POLD3: variants seen among roughly 807,000 people sequenced by gnomAD.
POLD3 encodes the protein DNA polymerase delta 3, accessory subunit.
POLD3 carries 19 observed loss-of-function variants against 58.2 expected under a neutral mutation model. The observed-to-expected ratio is 0.33, with a 90% CI of 0.23 to 0.48. The LOEUF (loss-of-function observed/expected upper bound fraction) is 0.48. Among genes scored for constraint, POLD3 ranks in the 20% least tolerant of loss-of-function variants. The pLI, the probability that POLD3 is intolerant of heterozygous loss-of-function variation, is 0.99. For missense variants in POLD3, 504 were observed against 545.5 expected (o/e 0.92, Z 0.76); for synonymous variants, 172 against 193.5 (o/e 0.89, Z 0.92).
At chr11:74,597,956 C>T (rs1167568787) in intron 2 of POLD3, among the ~76,000 whole-genome samples, 3 of 152,040 alleles carry the variant, frequency 2.0e-5, no homozygotes, top group East Asian at 3.9e-4. Context: ...TGGCATGCAC[C>T]TGCAGTCTTA....
At chr11:74,612,729 G>C (rs1239405885) in intron 4 of POLD3, 149 bp from the exon 5 acceptor site, 4 of 587,306 alleles carry the variant, frequency 6.8e-6, no homozygotes. Flanking sequence ...AAGAGTTGAT[G>C]TTTCACTGTA....
Position 74,618,590 on chromosome 11 carries a change from C to T in POLD3, c.446C>T (p.Ser149Phe). 1 of 1,613,748 alleles carries T rather than the reference C, an allele frequency of 6.2e-7. No individual in the cohort carries two copies. The highest frequency in any genetic ancestry group is 1.1e-5 in the South Asian group (1 of 91,072). The change falls in exon 6 of 12, where the codon TCT (serine) becomes TTT (phenylalanine). Residue 149 changes from serine to phenylalanine, a missense_variant. Ser to Phe is a radical substitution (Grantham distance 155). Coordinates refer to ENST00000263681, the MANE Select transcript of POLD3 (RefSeq NM_006591.3). ...GTCCCTAGAGCTCCTGCTGAATCCT[C>T]TTCGTCTTCCAAAAAGTTTGAGCAG... The part of the protein sequence containing the change: ...AAVPRAPAES[S>F]SSSKKFEQSH...
At position 74,654,394 on chromosome 11, in the gene POLD3, C is replaced by T. The variant is rs116520077; in HGVS notation, c.370-14383C>T. 7.0e-3 allele frequency among the ~76,000 whole-genome samples: 1,065 copies of T among 151,732 alleles called. 11 individuals carry two copies. Among genetic ancestry groups the T allele is most frequent in the African/African-American group, 0.024 (1,002 of 41,452 alleles). ...ATCAAGAAGATATAATACTCGTAAACGTGCACACAATAACATTAAATAAAA... is the reference window on the plus strand; with the variant it reads ...ATCAAGAAGATATAATACTCGTAAATGTGCACACAATAACATTAAATAAAA... On this transcript the variant is annotated intron_variant, in intron 4 of 4. Transcript: ENST00000524752.
intron 1 of POLD3, among the ~76,000 whole-genome samples, chr11:74,593,529 T>G (rs924693175): frequency 6.6e-6 from 1 of 152,234 alleles, no homozygotes; most frequent in Non-Finnish European, 1.5e-5. Flanking sequence ...GCAGGCATCC[T>G]GGGTCTAGGA....
downstream of POLD3, among the ~76,000 whole-genome samples, chr11:74,645,076 T>C (rs1306165957): frequency 1.3e-5 from 2 of 152,218 alleles, no homozygotes; most frequent in Non-Finnish European, 2.9e-5. Flanking sequence ...CTAAATAGCA[T>C]TTAGCATTTG....
chr11:74,616,377 G>A (rs1262298855), intron 5 of POLD3, among the ~76,000 whole-genome samples: 3 of 152,228 alleles, frequency 2.0e-5, no homozygotes, highest in Admixed American at 2.0e-4. Flanking sequence ...GACATGAAGA[G>A]AGTTGAAATT....
chr11:74,636,979 A>T (rs2032767503), intron 11 of POLD3, among the ~76,000 whole-genome samples: 1 of 152,194 alleles, frequency 6.6e-6, no homozygotes, highest in South Asian at 2.1e-4. Flanking sequence ...TTTAAGATTT[A>T]GCACTTGAGG....
Position 74,641,677 on chromosome 11 carries a change from C to T in POLD3, c.*911C>T, listed in dbSNP as rs2032918187. On this transcript the variant is annotated 3_prime_UTR_variant, in exon 12 of 12. Transcript: ENST00000263681. The stretch of plus-strand genomic sequence containing the variant: ...GAAATCCCTTCCTATATACAGTGTG[C>T]TACATTTACAAAAAATTTCTCCTTA... The T allele has an allele frequency of 1.0e-6, 1 of 984,716 alleles. No homozygotes were observed. Among genetic ancestry groups the T allele is most frequent in the African/African-American group, 1.7e-5 (1 of 57,184 alleles). 61.0% of individuals were successfully genotyped at this position (984,716 alleles called of 1,614,324 possible).
chr11:74,654,840 A>G (rs1417112388), intron 4 of POLD3, among the ~76,000 whole-genome samples: 1 of 49,258 alleles, frequency 2.0e-5, no homozygotes, highest in African/African-American at 8.0e-5. Context: ...CGAACTAACA[A>G]AAAGCAAGAC....
At chr11:74,618,159 G>A (rs2032136896) in intron 5 of POLD3, among the ~76,000 whole-genome samples, 1 of 152,110 alleles carries the variant, frequency 6.6e-6, no homozygotes, top group Admixed American at 6.6e-5. Flanking sequence ...CATTTCCCAA[G>A]GATAATGAAA....
chr11:74,607,242 A>ATATATATATATG (rs2031713764), intron 3 of POLD3, among the ~76,000 whole-genome samples: 1 of 100,672 alleles, frequency 9.9e-6, no homozygotes, highest in African/African-American at 5.0e-5. Context: ...TATTATTATT[A>ATATATATATATG]TATATTTATT....
At chr11:74,645,457 AT>A, downstream of POLD3, among the ~76,000 whole-genome samples, 2 of 152,354 alleles carry the variant, frequency 1.3e-5, no homozygotes, top group East Asian at 3.9e-4. Context: ...ACACTCAACA[AT>A]TTTGACCTAC....
At chr11:74,609,366 ATATATATTTTTTTTTTT>A (rs1238936902) in intron 3 of POLD3, among the ~76,000 whole-genome samples, 28 of 42,564 alleles carry the variant, frequency 6.6e-4, no homozygotes, top group African/African-American at 5.2e-3. Flanking sequence ...ATATATATAT[ATATATATTTTTTTTTTT>A]TTTTTTTTTT....
At chr11:74,618,194 G>A (rs952425145) in intron 5 of POLD3, among the ~76,000 whole-genome samples, 3 of 151,000 alleles carry the variant, frequency 2.0e-5, no homozygotes, top group Admixed American at 6.6e-5. Flanking sequence ...ATTATTGTTG[G>A]TTGCATTCCT....
intron 4 of POLD3, among the ~76,000 whole-genome samples, chr11:74,651,949 GTAGA>G (rs772040744): frequency 1.4e-4 from 21 of 152,210 alleles, no homozygotes; most frequent in Non-Finnish European, 2.9e-4. Context: ...GCTGTCAGAG[GTAGA>G]TAGAGCAGAT....
intron 2 of POLD3, among the ~76,000 whole-genome samples, chr11:74,598,532 C>T (rs1315587583): frequency 6.6e-6 from 1 of 152,172 alleles, no homozygotes; most frequent in Non-Finnish European, 1.5e-5. Flanking sequence ...GGATAGGGCA[C>T]AGTGGGAATG....
chr11:74,620,163 G>A (rs1450239511), intron 7 of POLD3, 74 bp downstream of exon 7: 24 of 1,159,606 alleles, frequency 2.1e-5, no homozygotes, highest in Admixed American at 6.8e-5. Context: ...TGAAGTGAAA[G>A]CCACTTTGTC....
downstream of POLD3, among the ~76,000 whole-genome samples, chr11:74,645,626 C>G (rs4944921): frequency 0.86 from 130,489 of 152,236 alleles, 56,448 homozygotes; most frequent in African/African-American, 0.97. Flanking sequence ...TACCTTAAAG[C>G]GTTGCTTTAG....
chr11:74,618,491 G>T lies in POLD3; in HGVS notation c.393-46G>T, dbSNP rs75920224. 2.9e-4 allele frequency: 415 copies of T among 1,444,988 alleles called. 3 individuals are homozygous for T. In the African/African-American group the frequency reaches 5.1e-3, roughly 18 times the overall value. The allele number at this position is 1,444,988 out of a possible 1,614,324, so 89.5% of individuals were successfully genotyped here. Reference sequence around the variant, plus strand: ...TTTCTTTTTTTGTTGAACCACCCAAGAATGCATATGCTGACATTAACTTAA... The same window carrying T: ...TTTCTTTTTTTGTTGAACCACCCAATAATGCATATGCTGACATTAACTTAA... On this transcript the variant is annotated intron_variant, in intron 5 of 11. Transcript: ENST00000263681.
Sources: allele counts gnomAD v4.1 joint callset (sites outside exome capture counted in the v4.1 genomes callset), GRCh38; gene constraint gnomAD v4.1.1; transcripts MANE v1.5; gene names NCBI Gene and HGNC (gene_info 2026-07-23, HGNC 2026-07-21).